PTPN12: variants seen among roughly 807,000 people sequenced by gnomAD.
The protein encoded by PTPN12 is protein tyrosine phosphatase non-receptor type 12.
Under a neutral mutation model 97.6 loss-of-function variants are expected in PTPN12, and 29 were observed. The ratio of observed to expected loss-of-function variants is 0.30; its 90% CI spans 0.22 to 0.41. PTPN12 has a LOEUF of 0.41. Ranked by LOEUF, PTPN12 falls within the 10% of genes least tolerant of loss-of-function variation. The pLI is 1.00. For synonymous variants in PTPN12, 327 were observed against 300.4 expected, an observed-to-expected ratio of 1.09 and a Z score of -0.91; for missense variants, 819 against 926.0, an observed-to-expected ratio of 0.88 and a Z score of 1.50.
intron 12 of PTPN12, among the ~76,000 whole-genome samples, chr7:77,622,064 C>T (rs1038675114): frequency 2.0e-5 from 3 of 152,146 alleles, no homozygotes; most frequent in Non-Finnish European, 2.9e-5. Flanking sequence ...AATTGAACCT[C>T]CCACCCTAGA....
At chr7:77,589,097 CTCCTGACCTCAGGTGA>C (rs1787785038) in intron 5 of PTPN12, among the ~76,000 whole-genome samples, 1 of 152,150 alleles carries the variant, frequency 6.6e-6, no homozygotes, top group South Asian at 2.1e-4. Context: ...TGGTCTCGAA[CTCCTGACCTCAGGTGA>C]TCCGACCGCC....
chr7:77,638,965 TG>T, intron 17 of PTPN12: 1 of 773,212 alleles, frequency 1.3e-6, no homozygotes, highest in Non-Finnish European at 1.9e-6. Context: ...TAAATTATCA[TG>T]GATATTTTTC....
chr7:77,583,140 A>G (rs746766834), intron 3 of PTPN12, among the ~76,000 whole-genome samples: 1 of 152,212 alleles, frequency 6.6e-6, no homozygotes, highest in African/African-American at 2.4e-5. Flanking sequence ...TGAGTTGAAT[A>G]GATAATGGAA....
At chr7:77,571,437 C>G (rs1787127052) in intron 2 of PTPN12, among the ~76,000 whole-genome samples, 1 of 151,996 alleles carries the variant, frequency 6.6e-6, no homozygotes, top group South Asian at 2.1e-4. Flanking sequence ...ACTGTAAATC[C>G]AAGTGAAAAT....
intron 16 of PTPN12, among the ~76,000 whole-genome samples, chr7:77,637,429 T>C (rs1789633078): frequency 6.6e-6 from 1 of 152,222 alleles, no homozygotes; most frequent in African/African-American, 2.4e-5. Context: ...TTTAGTACTT[T>C]TTCATTTATT....
At chr7:77,625,879 T>G (rs1789161762) in intron 12 of PTPN12, among the ~76,000 whole-genome samples, 1 of 151,632 alleles carries the variant, frequency 6.6e-6, no homozygotes, top group Admixed American at 6.6e-5. Context: ...CCCTATTTCT[T>G]TAAGGAAAAA....
At chr7:77,596,623 G>A (rs1385963239) in intron 6 of PTPN12, among the ~76,000 whole-genome samples, 6 of 152,136 alleles carry the variant, frequency 3.9e-5, no homozygotes, top group Admixed American at 3.9e-4. Context: ...TATTGTTCAG[G>A]CTGGTCTTGA....
intron 1 of PTPN12, among the ~76,000 whole-genome samples, chr7:77,563,065 AT>A (rs1808072706): frequency 6.6e-6 from 1 of 151,702 alleles, no homozygotes; most frequent in Non-Finnish European, 1.5e-5. Context: ...ACAAGGTTTT[AT>A]TTAAAAACAT....
intron 12 of PTPN12, among the ~76,000 whole-genome samples, chr7:77,625,470 T>TCGCTCGCTCG (rs1491229940): frequency 2.2e-5 from 1 of 45,052 alleles, no homozygotes; most frequent in Non-Finnish European, 3.6e-5. Flanking sequence ...CCCAGGCTGC[T>TCGCTCGCTCG]CGCTCTCTCT....
At chr7:77,632,486 T>C in intron 14 of PTPN12, 61 bp downstream of exon 14, 1 of 1,266,746 alleles carries the variant, frequency 7.9e-7, no homozygotes, top group Non-Finnish European at 1.2e-6. Flanking sequence ...CCGAAAAACA[T>C]ACCTGATTTT....
chr7:77,627,372 A>G lies in PTPN12; in HGVS notation c.1693A>G (p.Thr565Ala), dbSNP rs1350130335. 1 of 1,614,098 alleles carries G rather than the reference A, an allele frequency of 6.2e-7. No homozygotes were observed. The highest frequency in any genetic ancestry group is 1.1e-5 in the South Asian group (1 of 91,072). Reference protein sequence around the residue: ...SSDINYQTRKTVSLTPSPTTQ... With the variant: ...SSDINYQTRKAVSLTPSPTTQ... ...AGATATCAACTATCAAACTAGGAAA[A>G]CTGTGAGTTTAACACCAAGTCCTAC... The change falls in exon 13 of 18, where the codon ACT (threonine) becomes GCT (alanine). Residue 565 changes from threonine (T) to alanine (A), a missense_variant. By Grantham distance (58) the Thr-to-Ala change is moderately conservative (BLOSUM62 0). Transcript: ENST00000248594.
intron 2 of PTPN12, among the ~76,000 whole-genome samples, chr7:77,576,472 G>T (rs1165421588): frequency 6.6e-6 from 1 of 152,094 alleles, no homozygotes; most frequent in Non-Finnish European, 1.5e-5. Flanking sequence ...GGCCGAAGCG[G>T]GCAGATCACT....
chr7:77,596,537 A>G (rs899952941), intron 6 of PTPN12, among the ~76,000 whole-genome samples: 3 of 152,116 alleles, frequency 2.0e-5, no homozygotes, highest in African/African-American at 7.2e-5. Context: ...CAGCCTCCCA[A>G]GTAGCTGAGA....
At chr7:77,625,502 T>TCGCTCGCG (rs1789123940) in intron 12 of PTPN12, among the ~76,000 whole-genome samples, 3 of 106,956 alleles carry the variant, frequency 2.8e-5, no homozygotes, top group Admixed American at 1.0e-4. Context: ...TCTCTCTCTC[T>TCGCTCGCG]CTCTCTCTCT....
At chr7:77,618,698 C>T (rs776382711) in intron 12 of PTPN12, 133 bp downstream of exon 12, 61 of 603,426 alleles carry the variant, frequency 1.0e-4, no homozygotes, top group Middle Eastern at 4.0e-4. Context: ...ATGTAACATA[C>T]GTATGACAAC....
At chr7:77,563,118 TTATC>T (rs1458135036) in intron 1 of PTPN12, among the ~76,000 whole-genome samples, 1 of 152,200 alleles carries the variant, frequency 6.6e-6, no homozygotes, top group Admixed American at 6.5e-5. Flanking sequence ...TCAGGGAAGA[TTATC>T]TAGCTATATT....
At chr7:77,608,451 T>C (rs768202505) in intron 9 of PTPN12, among the ~76,000 whole-genome samples, 2 of 152,208 alleles carry the variant, frequency 1.3e-5, no homozygotes, top group Non-Finnish European at 2.9e-5. Flanking sequence ...ATAAATAAGA[T>C]ACAGCCTTCA....
rs369138113 is a variant in PTPN12, at chr7:77,633,309, T to A, written c.2074+884T>A. ...AATTATAAGTGTATTTGCAATCTGGTGTATTTTCATTCATTAAAAATAGCA... is the reference window on the plus strand; with the variant it reads ...AATTATAAGTGTATTTGCAATCTGGAGTATTTTCATTCATTAAAAATAGCA... On this transcript the variant is annotated intron_variant, in intron 14 of 17. Coordinates refer to ENST00000248594, the MANE Select transcript of PTPN12 (RefSeq NM_002835.4). Among the ~76,000 whole-genome samples the A allele has an allele frequency of 2.9e-4, 44 of 151,740 alleles. No individual in the cohort carries two copies. The South Asian group carries it at 8.5e-3, about 29-fold the overall frequency.
rs1217829868 is a variant in PTPN12, at chr7:77,564,750, T to TTTTG, written c.100-6325_100-6324insGTTT. Among the ~76,000 whole-genome samples, 38 of 63,356 alleles carry TTTTG rather than the reference T, an allele frequency of 6.0e-4. 4 individuals are homozygous for TTTTG. The highest frequency in any genetic ancestry group is 1.9e-3 in the African/African-American group (24 of 12,618). The allele number at this position is 63,356 out of a possible 152,430, so 41.6% of individuals were successfully genotyped here. A position where few individuals can be genotyped will look rare whatever the true frequency, so the allele number is the denominator to read the frequency against. On this transcript the variant is annotated intron_variant, in intron 1 of 17. Coordinates refer to ENST00000248594, the MANE Select transcript of PTPN12 (RefSeq NM_002835.4). ...GTTGTTGTTTTTTGTTGTCGTGTTT[T>TTTTG]TTTTTTTTTTTTTTTTTTTTTTTTT... is the stretch of plus-strand genomic sequence containing the variant.
Sources: allele counts gnomAD v4.1 joint callset (sites outside exome capture counted in the v4.1 genomes callset), GRCh38; gene constraint gnomAD v4.1.1; transcripts MANE v1.5; gene names NCBI Gene and HGNC (gene_info 2026-07-23, HGNC 2026-07-21).